KIR2DL1: variants seen among roughly 807,000 people sequenced by gnomAD.
The protein encoded by KIR2DL1 is killer cell immunoglobulin-like receptor 2DL1.
Under a neutral mutation model 33.9 loss-of-function variants are expected in KIR2DL1, and 38 were observed. The ratio of observed to expected loss-of-function variants is 1.12; its 90% confidence interval spans 0.86 to 1.47. KIR2DL1 has a LOEUF of 1.47. Ranked by LOEUF, KIR2DL1 falls within the 40% of genes most tolerant of loss-of-function variation. The pLI is 0.00. For missense variants in KIR2DL1, 531 were observed against 433.9 expected, an observed-to-expected ratio of 1.22 and a Z score of -1.99; for synonymous variants, 179 against 165.9, an observed-to-expected ratio of 1.08 and a Z score of -0.61.
At position 54,783,671 on chromosome 19, in the gene KIR2DL1, A is replaced by G. The variant is rs763668806; in HGVS notation, c.905A>G (p.Tyr302Cys). Residue 302 changes from tyrosine (Y) to cysteine (C), a missense_variant, in exon 8 of 8, where the codon TAC becomes TGC. Coordinates refer to ENST00000336077, the MANE Select transcript of KIR2DL1 (RefSeq NM_014218.3). ...SDEQDPQEVT[Y>C]TQLNHCVFTQ... ...GAACAAGACCCTCAGGAGGTGACATACACACAGTTGAATCACTGCGTTTTC... is the reference window on the plus strand; with the variant it reads ...GAACAAGACCCTCAGGAGGTGACATGCACACAGTTGAATCACTGCGTTTTC... 6.2e-7 allele frequency: 1 copy of G among 1,614,022 alleles called. No individual in the cohort carries two copies. Among genetic ancestry groups the G allele is most frequent in the South Asian group, 1.1e-5 (1 of 91,076 alleles).
At chr19:54,780,595 A>G (rs2076828395) in intron 5 of KIR2DL1, among the ~76,000 whole-genome samples, 2 of 144,944 alleles carry the variant, frequency 1.4e-5, no homozygotes, top group African/African-American at 2.6e-5. Flanking sequence ...AGGGAGGCCC[A>G]GGTGCATAAC....
intron 4 of KIR2DL1, among the ~76,000 whole-genome samples, chr19:54,775,772 C>T (rs2076257777): frequency 6.7e-6 from 1 of 148,974 alleles, no homozygotes; most frequent in African/African-American, 2.4e-5. Flanking sequence ...TTACCCATTT[C>T]CCAGAAGCCC....
At chr19:54,772,815 G>T (rs34408592) in intron 2 of KIR2DL1, among the ~76,000 whole-genome samples, 5 of 141,458 alleles carry the variant, frequency 3.5e-5, no homozygotes, top group Non-Finnish European at 3.1e-5. Context: ...ACATAGGGAG[G>T]GGTTGATACT....
Position 54,778,467 on chromosome 19 carries a change from A to G in KIR2DL1, c.665-145A>G, listed in dbSNP as rs1166633739. ...TCTCAAGACAGTGGGTGTCATATAA[A>G]AAAATTATGGAAAAAAGGATCCCAG... On this transcript the variant is annotated intron_variant, in intron 4 of 7. Transcript: ENST00000336077. 3.1e-5 allele frequency: 26 copies of G among 844,528 alleles called. 3 individuals carry two copies. The highest frequency in any genetic ancestry group is 4.2e-4 in the Middle Eastern group (1 of 2,380). 52.3% of individuals were successfully genotyped at this position (844,528 alleles called of 1,614,324 possible). A position where few individuals can be genotyped will look rare whatever the true frequency, so the allele number is the denominator to read the frequency against.
intron 2 of KIR2DL1, among the ~76,000 whole-genome samples, chr19:54,771,923 TG>T (rs1427371206): frequency 1.4e-5 from 2 of 147,640 alleles, no homozygotes; most frequent in East Asian, 3.9e-4. Flanking sequence ...GGATTCTCCT[TG>T]TCCCACCTCC....
intron 4 of KIR2DL1, among the ~76,000 whole-genome samples, chr19:54,778,325 C>T (rs1391629059): frequency 3.3e-5 from 5 of 149,352 alleles, no homozygotes; most frequent in Non-Finnish European, 6.0e-5. Context: ...CATTCTGCTC[C>T]GTTGTTCTAT....
chr19:54,778,801 C>G (rs1426657365), intron 5 of KIR2DL1, 139 bp downstream of exon 5: 1 of 1,133,728 alleles, frequency 8.8e-7, no homozygotes, highest in Admixed American at 1.8e-5. Context: ...GATACTCCTA[C>G]AGCGAAAGGG....
intron 5 of KIR2DL1, among the ~76,000 whole-genome samples, chr19:54,779,449 G>C (rs1456895461): frequency 6.8e-6 from 1 of 147,480 alleles, no homozygotes; most frequent in African/African-American, 2.5e-5. Flanking sequence ...ACAAAGACTG[G>C]TCACATCTCA....
At chr19:54,776,305 T>C (rs2076333879) in intron 4 of KIR2DL1, among the ~76,000 whole-genome samples, 1 of 147,838 alleles carries the variant, frequency 6.8e-6, no homozygotes, top group South Asian at 2.1e-4. Context: ...GTAGCCACCA[T>C]TCTACTCTCT....
Position 54,775,227 on chromosome 19 carries a change from G to A in KIR2DL1, c.433G>A (p.Val145Met), listed in dbSNP as rs1371762955. The change falls in exon 4 of 8, where the codon GTG (valine) becomes ATG (methionine). Residue 145 changes from valine to methionine, a missense_variant. Physicochemically the swap from Val to Met is conservative, Grantham distance 21. Coordinates refer to ENST00000336077, the MANE Select transcript of KIR2DL1 (RefSeq NM_014218.3). The stretch of plus-strand genomic sequence containing the variant: ...CCCCACGGTTCTGGCAGGAGAGAAT[G>A]TGACCTTGTCCTGCAGCTCCCGGAG... The part of the protein sequence containing the change: ...LGPTVLAGEN[V>M]TLSCSSRSSY... The A allele has an allele frequency of 2.5e-6, 4 of 1,602,518 alleles. No homozygotes were observed. Among genetic ancestry groups the A allele is most frequent in the Admixed American group, 3.4e-5 (2 of 59,308 alleles).
intron 1 of KIR2DL1, 145 bp downstream of exon 1, chr19:54,770,029 A>C: frequency 1.0e-6 from 1 of 987,588 alleles, no homozygotes; most frequent in Non-Finnish European, 1.5e-6. Context: ...AGATGGAGTG[A>C]TGGGCCTAGA....
rs1427099201 is a variant in KIR2DL1, at chr19:54,774,309, G to A, written c.370+677G>A. Among the ~76,000 whole-genome samples, 4 of 146,466 alleles carry A rather than the reference G, an allele frequency of 2.7e-5. 1 individual carries two copies. Among genetic ancestry groups the A allele is most frequent in the Non-Finnish European group, 6.1e-5 (4 of 65,526 alleles). On this transcript the variant is annotated intron_variant, in intron 3 of 7. Transcript: ENST00000336077. ...GAGAATGAGCCAGAGGAAGGAGATT[G>A]AGAGACTCACAGACACATAAAGAGA... is the stretch of plus-strand genomic sequence containing the variant.
rs2077439632 is a variant in KIR2DL1, at chr19:54,784,289, T to C, written c.*476T>C. 4.1e-6 allele frequency: 1 copy of C among 245,354 alleles called. No individual in the cohort carries two copies. Among genetic ancestry groups the C allele is most frequent in the African/African-American group, 2.3e-5 (1 of 43,226 alleles). 15.2% of individuals were successfully genotyped at this position (245,354 alleles called of 1,614,324 possible). ...ATTTTTTAAAATAACTTCAATGTAG[T>C]TTTCCATCCTTCAAATAAACATGTC... On this transcript the variant is annotated 3_prime_UTR_variant, in exon 8 of 8. Transcript: ENST00000336077.
chr19:54,782,895 T>G, intron 5 of KIR2DL1, 27 bp from the exon 6 acceptor site: 1 of 1,602,394 alleles, frequency 6.2e-7, no homozygotes, highest in South Asian at 1.1e-5. Flanking sequence ...AAGATTAGCT[T>G]CTTATTGGTG....
chr19:54,772,065 A>G (rs1165063955), intron 2 of KIR2DL1, among the ~76,000 whole-genome samples: 2 of 145,388 alleles, frequency 1.4e-5, no homozygotes, highest in Admixed American at 7.0e-5. Context: ...GTCCCCAGTG[A>G]TGACTACATT....
In KIR2DL1 at chr19:54,774,021, A is replaced by G. The variant is rs2076058435; in HGVS notation, c.370+389A>G. ...GAACCCAAGGACACCCATATTTCTGACCTGAGTTGGGCCCTGTGGCCTCAG... is the reference window on the plus strand; with the variant it reads ...GAACCCAAGGACACCCATATTTCTGGCCTGAGTTGGGCCCTGTGGCCTCAG... On this transcript the variant is annotated intron_variant, in intron 3 of 7. Transcript: ENST00000336077. Among the ~76,000 whole-genome samples the G allele has an allele frequency of 2.7e-5, 4 of 148,686 alleles. No homozygotes were observed. In the South Asian group the frequency reaches 8.4e-4, roughly 31 times the overall value.
intron 4 of KIR2DL1, among the ~76,000 whole-genome samples, chr19:54,777,154 T>A (rs587475): frequency 2.8e-5 from 4 of 142,846 alleles, no homozygotes; most frequent in Admixed American, 7.0e-5. Flanking sequence ...GCAGTGGCGC[T>A]ATCTCGGCTC....
At chr19:54,775,632 T>A (rs1388341966) in intron 4 of KIR2DL1, among the ~76,000 whole-genome samples, 174 bp downstream of exon 4, 1 of 148,442 alleles carries the variant, frequency 6.7e-6, no homozygotes, top group Non-Finnish European at 1.5e-5. Flanking sequence ...CCCTCCTACA[T>A]GGCCTGCATG....
rs1314106800 is a variant in KIR2DL1 at position 54,782,947 on chromosome 19, G to C, written c.741G>C (p.Leu247=). ...GTAACCCCCGACACCTGCACATTCTGATTGGGACCTCAGTGGTCATCATCC... is the reference window on the plus strand; with the variant it reads ...GTAACCCCCGACACCTGCACATTCTCATTGGGACCTCAGTGGTCATCATCC... ...KTGNPRHLHI[L]IGTSVVIILF... The change falls in exon 6 of 8, where the codon CTG becomes CTC. Residue 247 remains leucine, a synonymous_variant. Transcript: ENST00000336077. 7.4e-6 allele frequency: 12 copies of C among 1,613,730 alleles called. No homozygotes were observed. Among genetic ancestry groups the C allele is most frequent in the Non-Finnish European group, 1.0e-5 (12 of 1,179,904 alleles).
Sources: allele counts gnomAD v4.1 joint callset (sites outside exome capture counted in the v4.1 genomes callset), GRCh38; gene constraint gnomAD v4.1.1; transcripts MANE v1.5; gene names NCBI Gene and HGNC (gene_info 2026-07-23, HGNC 2026-07-21).